Variants in PTPRK observed in about 807,000 individuals in gnomAD.
PTPRK encodes the protein receptor-type tyrosine-protein phosphatase kappa.
PTPRK carries 75 observed loss-of-function variants against 178.0 expected under a neutral mutation model. That is an observed-to-expected ratio of 0.42 (90% CI 0.35 to 0.51). The LOEUF (loss-of-function observed/expected upper bound fraction) is 0.51, where lower values mean the gene tolerates loss of function less well. PTPRK is among the 20% of genes least tolerant of loss of function. The pLI, the probability that PTPRK is intolerant of heterozygous loss-of-function variation, is 0.02. For missense variants in PTPRK, 1,441 were observed against 1,797.8 expected, an observed-to-expected ratio of 0.80 and a Z score of 3.59; for synonymous variants, 637 against 620.6, an observed-to-expected ratio of 1.03 and a Z score of -0.39.
At chr6:127,970,361 A>G (rs961781587) in intron 29 of PTPRK, 81 bp from the exon 30 acceptor site, 34 of 1,129,806 alleles carry the variant, frequency 3.0e-5, no homozygotes, top group Non-Finnish European at 4.3e-5. Context: ...ATGAAACTTG[A>G]CAACCAATTT....
chr6:128,138,275 C>T (rs748471350), intron 7 of PTPRK, among the ~76,000 whole-genome samples: 3 of 151,968 alleles, frequency 2.0e-5, no homozygotes, highest in Non-Finnish European at 4.4e-5. Flanking sequence ...CTGGCCAGCC[C>T]CAGATGAATA....
At chr6:128,473,145 A>C (rs1850922363) in intron 1 of PTPRK, among the ~76,000 whole-genome samples, 1 of 152,054 alleles carries the variant, frequency 6.6e-6, no homozygotes, top group Non-Finnish European at 1.5e-5. Flanking sequence ...CCTTTAATGC[A>C]AAACAGTTCT....
chr6:127,970,102 C>T lies in PTPRK; in HGVS notation c.*125G>A. 1.6e-6 allele frequency: 1 copy of T among 625,888 alleles called. No individual in the cohort carries two copies. The highest frequency in any genetic ancestry group is 2.7e-6 in the Non-Finnish European group (1 of 375,988). The allele number at this position is 625,888 out of a possible 1,614,324, so 38.8% of individuals were successfully genotyped here. ...TCATAAAAAAAATACTTTTACCTCTCAAATGTAAAAGTCTCCCACCCCCCA... is the reference window on the plus strand; with the variant it reads ...TCATAAAAAAAATACTTTTACCTCTTAAATGTAAAAGTCTCCCACCCCCCA... On this transcript the variant is annotated 3_prime_UTR_variant, in exon 30 of 30. Transcript: ENST00000368226.
intron 13 of PTPRK, among the ~76,000 whole-genome samples, chr6:128,045,465 TC>T (rs1777893621): frequency 6.6e-6 from 1 of 152,066 alleles, no homozygotes; most frequent in Non-Finnish European, 1.5e-5. Context: ...AAAGTTTTCT[TC>T]CTGTATTTTG....
chr6:128,259,178 A>T (rs1738278), intron 3 of PTPRK, among the ~76,000 whole-genome samples: 7,762 of 152,094 alleles, frequency 0.051, 662 homozygotes, highest in African/African-American at 0.18. Flanking sequence ...GATGACAACA[A>T]CTGTGTGGCA....
chr6:128,265,778 A>C (rs1818847567), intron 3 of PTPRK, among the ~76,000 whole-genome samples: 1 of 152,200 alleles, frequency 6.6e-6, no homozygotes, highest in South Asian at 2.1e-4. Flanking sequence ...TTAAAAATTT[A>C]AAAATTCATA....
chr6:128,189,235 C>CTT (rs71028115), intron 6 of PTPRK, among the ~76,000 whole-genome samples: 152 of 67,434 alleles, frequency 2.3e-3, no homozygotes, highest in Non-Finnish European at 2.7e-3. Flanking sequence ...TACTCTTTTT[C>CTT]TTTTTTTTTT....
chr6:128,307,160 A>AATAT (rs397888214), intron 3 of PTPRK, among the ~76,000 whole-genome samples: 51 of 142,374 alleles, frequency 3.6e-4, no homozygotes, highest in African/African-American at 7.6e-4. Flanking sequence ...AAGAAAAAAA[A>AATAT]ATATATATAT....
chr6:128,364,598 A>G (rs1343350341), intron 2 of PTPRK, among the ~76,000 whole-genome samples: 1 of 152,086 alleles, frequency 6.6e-6, no homozygotes, highest in African/African-American at 2.4e-5. Context: ...CATTAACAGT[A>G]ATGATGATTG....
intron 6 of PTPRK, 133 bp from the exon 7 acceptor site, chr6:128,184,858 G>C (rs1042592891): frequency 3.3e-6 from 3 of 920,822 alleles, no homozygotes; most frequent in Non-Finnish European, 4.7e-6. Flanking sequence ...AAGAAAACTA[G>C]AAGACGCATG....
intron 1 of PTPRK, among the ~76,000 whole-genome samples, chr6:128,464,663 A>ATATATG: frequency 8.7e-6 from 1 of 115,414 alleles, no homozygotes; most frequent in Admixed American, 8.4e-5. Flanking sequence ...ATATATATAT[A>ATATATG]TATATATATA....
Position 127,992,591 on chromosome 6 carries a change from A to G in PTPRK, c.2881+82T>C, listed in dbSNP as rs1426157362. ...CTGATTTTTTTGTTACTAAGATAAA[A>G]TTTAAAAAATAATAAAAACCACCAC... is the stretch of plus-strand genomic sequence containing the variant. On this transcript the variant is annotated intron_variant, in intron 19 of 29. Transcript: ENST00000368226. 4.0e-6 allele frequency: 5 copies of G among 1,238,250 alleles called. No homozygotes were observed. The East Asian group carries it at 1.3e-4, about 31-fold the overall frequency. The allele number at this position is 1,238,250 out of a possible 1,614,324, so 76.7% of individuals were successfully genotyped here.
At chr6:128,508,781 A>G (rs1421880985) in intron 1 of PTPRK, among the ~76,000 whole-genome samples, 2 of 152,106 alleles carry the variant, frequency 1.3e-5, no homozygotes, top group Non-Finnish European at 2.9e-5. Context: ...CGCCTCTACT[A>G]AAAACACAAA....
rs369312387 is a variant in PTPRK at position 128,125,907 on chromosome 6, C to A, written c.1163-35915G>T. 3.3e-5 allele frequency among the ~76,000 whole-genome samples: 5 copies of A among 151,958 alleles called. No individual in the cohort carries two copies. The South Asian group carries it at 1.0e-3, about 31-fold the overall frequency. ...ACAGGCCTGAGCCACTGTGCCCAGT[C>A]GCCTTTGGGGTTTTAAAAAATAGTT... On this transcript the variant is annotated intron_variant, in intron 7 of 29. Transcript: ENST00000368226.
At chr6:128,333,416 T>C (rs574704547) in intron 2 of PTPRK, among the ~76,000 whole-genome samples, 59 of 152,272 alleles carry the variant, frequency 3.9e-4, no homozygotes, top group African/African-American at 1.4e-3. Flanking sequence ...ATTTTTTGTT[T>C]CCCACTGCAT....
At chr6:128,114,989 A>T (rs1791255677) in intron 7 of PTPRK, among the ~76,000 whole-genome samples, 2 of 152,142 alleles carry the variant, frequency 1.3e-5, no homozygotes, top group Non-Finnish European at 2.9e-5. Flanking sequence ...ATTAAAAAAA[A>T]AATTAAACCA....
chr6:128,125,751 A>G (rs1793261263), intron 7 of PTPRK, among the ~76,000 whole-genome samples: 1 of 151,392 alleles, frequency 6.6e-6, no homozygotes, highest in Non-Finnish European at 1.5e-5. Context: ...CTGTGATTAC[A>G]GGGATGCACC....
At chr6:128,400,814 A>T (rs1360485314) in intron 1 of PTPRK, among the ~76,000 whole-genome samples, 2 of 152,234 alleles carry the variant, frequency 1.3e-5, no homozygotes, top group African/African-American at 4.8e-5. Context: ...GAGAAATGTC[A>T]TAGCAAGCTC....
At chr6:128,273,209 C>T (rs73596645) in intron 3 of PTPRK, among the ~76,000 whole-genome samples, 6,746 of 151,116 alleles carry the variant, frequency 0.045, 496 homozygotes, top group African/African-American at 0.15. Context: ...TGTCCTGTCG[C>T]GGGGTCGGGG....
Sources: allele counts gnomAD v4.1 joint callset (sites outside exome capture counted in the v4.1 genomes callset), GRCh38; gene constraint gnomAD v4.1.1; transcripts MANE v1.5; gene names NCBI Gene and HGNC (gene_info 2026-07-23, HGNC 2026-07-21).